The following LONRF1 variants were observed in gnomAD, a reference collection of about 807,000 sequenced individuals.
LONRF1 encodes the protein LON peptidase N-terminal domain and ring finger 1.
A neutral mutation model predicts 85.8 loss-of-function variants in LONRF1; 37 were observed. That is an observed-to-expected ratio of 0.43 (90% CI 0.33 to 0.57). The LOEUF is 0.57. LONRF1 is among the 20% of genes least tolerant of loss of function. The probability of loss-of-function intolerance (pLI) is 0.04; values close to 1 mark genes in which losing one functional copy is unlikely to be tolerated. For missense variants in LONRF1, 1,036 were observed against 978.0 expected (o/e 1.06, Z -0.79); for synonymous variants, 517 against 390.1 (o/e 1.33, Z -3.83).
At chr8:12,741,183 A>G (rs1798920895) in intron 2 of LONRF1, among the ~76,000 whole-genome samples, 187 bp from the exon 3 acceptor site, 1 of 152,158 alleles carries the variant, frequency 6.6e-6, no homozygotes, top group Non-Finnish European at 1.5e-5. Flanking sequence ...CAGGAGTTCG[A>G]GACCAGTCTG....
chr8:12,727,214 T>C (rs1270272136), intron 10 of LONRF1: 1 of 147,882 alleles, frequency 6.8e-6, no homozygotes, highest in Non-Finnish European at 1.5e-5. Context: ...TGATAACAAT[T>C]ATAAGCGTCA....
chr8:12,745,383 T>A (rs1488976060), intron 1 of LONRF1, among the ~76,000 whole-genome samples: 2 of 91,990 alleles, frequency 2.2e-5, no homozygotes, highest in African/African-American at 7.0e-5. Context: ...CCAATACTTT[T>A]AAAAAAAGAT....
intron 1 of LONRF1, chr8:12,752,982 G>A (rs1799470342): frequency 1.3e-5 from 2 of 152,258 alleles, no homozygotes; most frequent in African/African-American, 4.8e-5. Context: ...CGGTGTGCAA[G>A]TCTTCACTGC....
chr8:12,738,875 A>G (rs1314594870), intron 3 of LONRF1: 1 of 152,186 alleles, frequency 6.6e-6, no homozygotes, highest in Non-Finnish European at 1.5e-5. Flanking sequence ...TAGGTATAGC[A>G]CATATTAAAG....
rs780842571 is a variant in LONRF1, at chr8:12,723,150, C to G, written c.2268G>C (p.Arg756=). Residue 756 remains arginine (R), a synonymous_variant, in exon 12 of 12, where the codon CGG becomes CGC. Coordinates refer to ENST00000398246, the MANE Select transcript of LONRF1 (RefSeq NM_152271.5). ...TCAGTATATGCTGTATCTTGGTCAA[C>G]CGTTCTTTCAAAGACTTCATTGACA... ...SVLSMKSLKE[R]LTKIQHILTY... 1 of 1,613,992 alleles carries G rather than the reference C, an allele frequency of 6.2e-7. No homozygotes were observed. Among genetic ancestry groups the G allele is most frequent in the African/African-American group, 1.3e-5 (1 of 74,920 alleles).
intron 1 of LONRF1, among the ~76,000 whole-genome samples, chr8:12,749,852 A>G (rs1799308905): frequency 1.3e-5 from 2 of 152,180 alleles, no homozygotes; most frequent in Admixed American, 1.3e-4. Context: ...GGGATTTTCA[A>G]TTTGCTGCAA....
At chr8:12,739,558 CACAGGTA>C (rs538195296) in intron 3 of LONRF1, among the ~76,000 whole-genome samples, 8 of 152,230 alleles carry the variant, frequency 5.3e-5, no homozygotes, top group Admixed American at 1.3e-4. Flanking sequence ...GATGCTGTTA[CACAGGTA>C]CATACATTTT....
rs1798781217 is a variant in LONRF1 at position 12,737,861 on chromosome 8, A to C, written c.1113+134T>G. Reference sequence around the variant, plus strand: ...TAGTGTAAAGTAAAGGCTATGGAAAAAATTCTACTATGATAACTAACCAGG... The same window carrying C: ...TAGTGTAAAGTAAAGGCTATGGAAACAATTCTACTATGATAACTAACCAGG... On this transcript the variant is annotated intron_variant, in intron 4 of 11. Coordinates refer to ENST00000398246, the MANE Select transcript of LONRF1 (RefSeq NM_152271.5). 9.5e-6 allele frequency: 8 copies of C among 844,904 alleles called. No individual in the cohort carries two copies. The South Asian group carries it at 1.3e-4, about 14-fold the overall frequency. The allele number at this position is 844,904 out of a possible 1,614,324, so 52.3% of individuals were successfully genotyped here.
chr8:12,724,065 T>C (rs1343600108), intron 11 of LONRF1, among the ~76,000 whole-genome samples: 1 of 152,330 alleles, frequency 6.6e-6, no homozygotes, highest in Non-Finnish European at 1.5e-5. Flanking sequence ...CTGATCTCAG[T>C]AGGCCCCTCT....
intron 4 of LONRF1, among the ~76,000 whole-genome samples, chr8:12,737,576 C>T (rs1238935646): frequency 6.6e-6 from 1 of 152,046 alleles, no homozygotes; most frequent in Non-Finnish European, 1.5e-5. Context: ...GGGACTTGAG[C>T]ATCCTTGGAT....
intron 1 of LONRF1, among the ~76,000 whole-genome samples, chr8:12,749,025 T>C (rs912361981): frequency 2.0e-5 from 3 of 152,190 alleles, no homozygotes; most frequent in Non-Finnish European, 4.4e-5. Flanking sequence ...TGACCTATAA[T>C]ATGCTTACCT....
chr8:12,726,379 A>G (rs1425463358), intron 10 of LONRF1, among the ~76,000 whole-genome samples: 1 of 152,220 alleles, frequency 6.6e-6, no homozygotes, highest in East Asian at 1.9e-4. Context: ...TCAAAACACA[A>G]AAACAAACAA....
chr8:12,737,325 C>T lies in LONRF1; in HGVS notation c.1114-185G>A, dbSNP rs140643429. The T allele has an allele frequency of 8.0e-6, 6 of 748,874 alleles. No homozygotes were observed. In the East Asian group the frequency reaches 8.1e-5, roughly 10 times the overall value. The allele number at this position is 748,874 out of a possible 1,614,324, so 46.4% of individuals were successfully genotyped here. Reference sequence around the variant, plus strand: ...ATTTTTGCCAGCACAGTTGGCCCTCCGTATCCACAGGCTCTGCATCCGTGG... The same window carrying T: ...ATTTTTGCCAGCACAGTTGGCCCTCTGTATCCACAGGCTCTGCATCCGTGG... On this transcript the variant is annotated intron_variant, in intron 4 of 11. Coordinates refer to ENST00000398246, the MANE Select transcript of LONRF1 (RefSeq NM_152271.5).
rs1238877827 is a variant in LONRF1 at position 12,754,898 on chromosome 8, T to C, written c.523A>G (p.Thr175Ala). 1.4e-5 allele frequency: 21 copies of C among 1,491,762 alleles called. No individual in the cohort carries two copies. Among genetic ancestry groups the C allele is most frequent in the Non-Finnish European group, 1.9e-5 (21 of 1,125,420 alleles). The allele number at this position is 1,491,762 out of a possible 1,614,324, so 92.4% of individuals were successfully genotyped here. ...GCCAGAGGCGGCGGCCGCGGGGCGG[T>C]CCCTTCAGCATCAGTGGCACTGGCG... ...ATASATDAEG[T>A]APRPPPLAAA... is the part of the protein sequence containing the mutation. Residue 175 changes from threonine to alanine, a missense_variant, in exon 1 of 12, where the codon ACC (threonine) becomes GCC (alanine). By Grantham distance (58) the Thr-to-Ala change is moderately conservative. Coordinates refer to ENST00000398246, the MANE Select transcript of LONRF1 (RefSeq NM_152271.5).
chr8:12,751,675 C>G (rs950808479), intron 1 of LONRF1, among the ~76,000 whole-genome samples: 9 of 151,272 alleles, frequency 5.9e-5, no homozygotes, highest in Non-Finnish European at 1.3e-4. Flanking sequence ...ATATCACCCC[C>G]CCACCTTACA....
intron 2 of LONRF1, 45 bp from the exon 3 acceptor site, chr8:12,741,041 T>A: frequency 6.3e-7 from 1 of 1,596,338 alleles, no homozygotes; most frequent in Non-Finnish European, 8.5e-7. Flanking sequence ...TAAGAATTGC[T>A]TTTTAAAAAA....
rs916705280 is a variant in LONRF1 at position 12,728,842 on chromosome 8, G to A, written c.2010+59C>T. ...CACCTAGAAAATAGCCTGCATGCCT[G>A]TACCAATCCCTGGAACAGGATATAC... On this transcript the variant is annotated intron_variant, in intron 10 of 11. Coordinates refer to ENST00000398246, the MANE Select transcript of LONRF1 (RefSeq NM_152271.5). 11 of 1,594,926 alleles carry A rather than the reference G, an allele frequency of 6.9e-6. No individual in the cohort carries two copies. The South Asian group carries it at 1.2e-4, about 18-fold the overall frequency.
At chr8:12,729,631 AATTT>A (rs952610936) in intron 8 of LONRF1, among the ~76,000 whole-genome samples, 3 of 152,128 alleles carry the variant, frequency 2.0e-5, no homozygotes, top group Non-Finnish European at 4.4e-5. Context: ...GAATCAAGAG[AATTT>A]ATTATAAGTA....
intron 1 of LONRF1, 148 bp downstream of exon 1, chr8:12,754,552 C>T (rs997862290): frequency 1.0e-6 from 1 of 954,806 alleles, no homozygotes; most frequent in Non-Finnish European, 1.4e-6. Flanking sequence ...CCCACACCCC[C>T]CAGCACCCCG....
Sources: gnomAD v4.1 joint callset for allele counts (sites outside exome capture counted in the v4.1 genomes callset) on GRCh38, gnomAD v4.1.1 for gene constraint, MANE v1.5 for transcripts, NCBI Gene and HGNC (gene_info 2026-07-23, HGNC 2026-07-21) for gene names.